ABCF2: variants seen among roughly 807,000 people sequenced by gnomAD.
ABCF2 encodes ATP-binding cassette sub-family F member 2.
ABCF2 carries 37 observed loss-of-function variants against 76.9 expected under a neutral mutation model. The ratio of observed to expected loss-of-function variants is 0.48; its 90% CI spans 0.37 to 0.63. The LOEUF is 0.63. Ranked by LOEUF, ABCF2 falls within the 30% of genes least tolerant of loss-of-function variation. ABCF2 has a pLI of 0.00. For missense variants in ABCF2, 524 were observed against 782.1 expected (o/e 0.67, Z 3.94); for synonymous variants, 299 against 283.7 (o/e 1.05, Z -0.54).
Position 151,214,082 on chromosome 7 carries a change from T to C in ABCF2, c.1844A>G (p.Gln615Arg). 1 of 1,614,100 alleles carries C rather than the reference T, an allele frequency of 6.2e-7. No individual in the cohort carries two copies. ...LKSKLVDEEP[Q>R]LTKRTHNV Reference sequence around the variant, plus strand: ...CACGTTGTGGGTCCTCTTGGTGAGCTGGGGCTCCTCATCCACCAGCTTGGA... The same window carrying C: ...CACGTTGTGGGTCCTCTTGGTGAGCCGGGGCTCCTCATCCACCAGCTTGGA... The change falls in exon 15 of 15, where the codon CAG becomes CGG. Residue 615 changes from glutamine (Q) to arginine (R), a missense_variant. Transcript: ENST00000287844. The surrounding 1 kb of genome is among the most constrained non-coding windows in gnomAD (Gnocchi z 4.9).
chr7:151,223,072 T>C (rs991076086), intron 5 of ABCF2, among the ~76,000 whole-genome samples: 1 of 152,204 alleles, frequency 6.6e-6, no homozygotes, highest in Admixed American at 6.5e-5. Context: ...AAAAGCTCCT[T>C]GGGTGAACCG....
intron 10 of ABCF2, 101 bp from the exon 11 acceptor site, chr7:151,218,292 GA>G (rs1802193148): frequency 1.1e-6 from 1 of 886,170 alleles, no homozygotes; most frequent in Non-Finnish European, 1.8e-6. Context: ...AAGAGAGGAG[GA>G]AGGGAGAGTA....
At chr7:151,220,369 C>T (rs145979192) in intron 7 of ABCF2, among the ~76,000 whole-genome samples, 38 of 118,160 alleles carry the variant, frequency 3.2e-4, no homozygotes, top group African/African-American at 1.2e-3. Context: ...AGCCTGGCGA[C>T]GGAGCAAGAC....
chr7:151,217,279 A>C lies in ABCF2; in HGVS notation c.1338+802T>G, dbSNP rs1802170385. Among the ~76,000 whole-genome samples, 4 of 152,300 alleles carry C rather than the reference A, an allele frequency of 2.6e-5. No individual in the cohort carries two copies. The South Asian group carries it at 8.3e-4, about 32-fold the overall frequency. On this transcript the variant is annotated intron_variant, in intron 11 of 14. Coordinates refer to ENST00000287844, the MANE Select transcript of ABCF2 (RefSeq NM_007189.3). ...GCACTCATTCAGACTGGAACCACTG[A>C]GACGTTCCAAGTAACCTGACAGGTG... is the stretch of plus-strand genomic sequence containing the variant.
Position 151,212,472 on chromosome 7 carries a change from A to C in ABCF2, c.*1582T>G. 1.0e-6 allele frequency: 1 copy of C among 985,448 alleles called. No individual in the cohort carries two copies. The highest frequency in any genetic ancestry group is 1.2e-6 in the Non-Finnish European group (1 of 829,942). 61.0% of individuals were successfully genotyped at this position (985,448 alleles called of 1,614,324 possible). A position where few individuals can be genotyped will look rare whatever the true frequency, so the allele number is the denominator to read the frequency against. On this transcript the variant is annotated 3_prime_UTR_variant, in exon 15 of 15. Coordinates refer to ENST00000287844, the MANE Select transcript of ABCF2 (RefSeq NM_007189.3). ...CTCTCTCATTCTACCAAATGCGATT[A>C]ATCAATAGGTCTGATGCTCAGCAAT...
At chr7:151,217,509 T>C (rs1218397726) in intron 11 of ABCF2, among the ~76,000 whole-genome samples, 1 of 152,080 alleles carries the variant, frequency 6.6e-6, no homozygotes, top group African/African-American at 2.4e-5. Flanking sequence ...TGATTGAAAA[T>C]AGAAACATGG....
Position 151,226,438 on chromosome 7 carries a change from C to T in ABCF2, c.21G>A (p.Lys7=). 1.2e-6 allele frequency: 2 copies of T among 1,614,136 alleles called. No homozygotes were observed. The highest frequency in any genetic ancestry group is 1.7e-6 in the Non-Finnish European group (2 of 1,180,014). ...CCTCCTTCTTTTTGGCTGCCTTCTT[C>T]TTGGCCAGGTCGGAGGGCATGATGA... is the stretch of plus-strand genomic sequence containing the variant. MPSDLA[K]KKAAKKKEAA... The change falls in exon 2 of 15, where the codon AAG becomes AAA. Residue 7 remains lysine (K), a synonymous_variant. Coordinates refer to ENST00000287844, the MANE Select transcript of ABCF2 (RefSeq NM_007189.3).
Position 151,212,333 on chromosome 7 carries a change from G to GT in ABCF2, c.*1720dup, listed in dbSNP as rs1802062769. 4 of 985,326 alleles carry GT rather than the reference G, an allele frequency of 4.1e-6. No individual in the cohort carries two copies. Among genetic ancestry groups the GT allele is most frequent in the Non-Finnish European group, 4.8e-6 (4 of 829,938 alleles). The allele number at this position is 985,326 out of a possible 1,614,324, so 61.0% of individuals were successfully genotyped here. ...CCCTGGGCTGGAAGTGAATTCAACA[G>GT]TGATGATAACTATGGCTGTGGACAG... On this transcript the variant is annotated 3_prime_UTR_variant, in exon 15 of 15. Coordinates refer to ENST00000287844, the MANE Select transcript of ABCF2 (RefSeq NM_007189.3).
In ABCF2 at chr7:151,223,881, G is replaced by C. The variant is rs1015158640; in HGVS notation, c.551-32C>G. 3.7e-6 allele frequency: 6 copies of C among 1,605,502 alleles called. No individual in the cohort carries two copies. The African/African-American group carries it at 4.0e-5, about 11-fold the overall frequency. On this transcript the variant is annotated intron_variant, in intron 4 of 14. Coordinates refer to ENST00000287844, the MANE Select transcript of ABCF2 (RefSeq NM_007189.3). Reference sequence around the variant, plus strand: ...ACAGTGTATGGCCATGAGGCTCCTGGGGGCCTTTCTGGGAGGACGCCCACC... The same window carrying C: ...ACAGTGTATGGCCATGAGGCTCCTGCGGGCCTTTCTGGGAGGACGCCCACC...
Position 151,212,101 on chromosome 7 carries a change from A to T in ABCF2, c.*1953T>A, listed in dbSNP as rs779998348. ...GTTCTGTCTTACTGGCTTTCCAAGA[A>T]GATCATGAGCTCCTAAGGGGTTTAA... On this transcript the variant is annotated 3_prime_UTR_variant, in exon 15 of 15. Coordinates refer to ENST00000287844, the MANE Select transcript of ABCF2 (RefSeq NM_007189.3). 9.2e-5 allele frequency: 90 copies of T among 980,342 alleles called. No homozygotes were observed. Among genetic ancestry groups the T allele is most frequent in the Non-Finnish European group, 9.8e-5 (81 of 825,340 alleles). 60.7% of individuals were successfully genotyped at this position (980,342 alleles called of 1,614,324 possible).
chr7:151,215,852 G>A lies in ABCF2; in HGVS notation c.1401+115C>T, dbSNP rs1802140073. 1 of 1,586,914 alleles carries A rather than the reference G, an allele frequency of 6.3e-7. No homozygotes were observed. Among genetic ancestry groups the A allele is most frequent in the Non-Finnish European group, 8.6e-7 (1 of 1,162,142 alleles). Reference sequence around the variant, plus strand: ...TTCTGGGTTCAAGAAGCAGGTAGGAGCCACCTAGGCTGGAATTCCTGCCAG... The same window carrying A: ...TTCTGGGTTCAAGAAGCAGGTAGGAACCACCTAGGCTGGAATTCCTGCCAG... On this transcript the variant is annotated intron_variant, in intron 12 of 14. Coordinates refer to ENST00000287844, the MANE Select transcript of ABCF2 (RefSeq NM_007189.3). This position sits in a 1 kb window ranked among gnomAD's most constrained non-coding sequence, Gnocchi z 4.6.
rs1457471971 is a variant in ABCF2 at position 151,215,958 on chromosome 7, G to A, written c.1401+9C>T. 6.2e-6 allele frequency: 10 copies of A among 1,613,882 alleles called. No homozygotes were observed. The highest frequency in any genetic ancestry group is 8.5e-6 in the Non-Finnish European group (10 of 1,179,900). Reference sequence around the variant, plus strand: ...GGCAATTCCCCGGATCCCAACCCCAGGCCTGTACCTGATGGTAACGCCCTA... The same window carrying A: ...GGCAATTCCCCGGATCCCAACCCCAAGCCTGTACCTGATGGTAACGCCCTA... On this transcript the variant is annotated intron_variant, in intron 12 of 14. Coordinates refer to ENST00000287844, the MANE Select transcript of ABCF2 (RefSeq NM_007189.3). The surrounding 1 kb of genome is among the most constrained non-coding windows in gnomAD (Gnocchi z 4.6).
At position 151,215,766 on chromosome 7, in the gene ABCF2, T is replaced by C; in HGVS notation, c.1402-34A>G. 1 of 1,613,966 alleles carries C rather than the reference T, an allele frequency of 6.2e-7. No individual in the cohort carries two copies. The highest frequency in any genetic ancestry group is 8.5e-7 in the Non-Finnish European group (1 of 1,179,878). Reference sequence around the variant, plus strand: ...AAAATGGAAGCCACCCGGGTGTGACTGGCATCCCGCTTCAAAATAAACCCT... The same window carrying C: ...AAAATGGAAGCCACCCGGGTGTGACCGGCATCCCGCTTCAAAATAAACCCT... On this transcript the variant is annotated intron_variant, in intron 12 of 14. Transcript: ENST00000287844. This position sits in a 1 kb window ranked among gnomAD's most constrained non-coding sequence, Gnocchi z 4.6.
intron 10 of ABCF2, 26 bp downstream of exon 10, chr7:151,218,535 C>T (rs1031762016): frequency 1.3e-6 from 2 of 1,597,522 alleles, no homozygotes; most frequent in Non-Finnish European, 8.6e-7. Flanking sequence ...TACACCCCAG[C>T]CACCCATGCC....
chr7:151,218,179 T>C lies in ABCF2; in HGVS notation c.1240A>G (p.Asn414Asp). 1.2e-6 allele frequency: 2 copies of C among 1,612,710 alleles called. No homozygotes were observed. Among genetic ancestry groups the C allele is most frequent in the Non-Finnish European group, 1.7e-6 (2 of 1,178,720 alleles). ...AGGTCAATTCCAAATTCTAGATTAT[T>C]GTAGATGCAAGGCTGAGGTGGGGAT... ...KYTKDGPCIY[N>D]NLEFGIDLDT... Residue 414 changes from asparagine (N) to aspartate (D), a missense_variant, in exon 11 of 15, where the codon AAT becomes GAT. Physicochemically the swap from Asn to Asp is conservative, Grantham distance 23 (BLOSUM62 1). Transcript: ENST00000287844.
intron 7 of ABCF2, among the ~76,000 whole-genome samples, chr7:151,221,369 T>A (rs989833494): frequency 1.4e-4 from 22 of 152,084 alleles, no homozygotes; most frequent in African/African-American, 5.3e-4. Context: ...CTGGCTAATT[T>A]TTTTGTATTT....
Position 151,222,607 on chromosome 7 carries a change from A to G in ABCF2, c.732T>C (p.Phe244=), listed in dbSNP as rs1802293596. The G allele has an allele frequency of 1.1e-5, 17 of 1,613,596 alleles. No homozygotes were observed. The highest frequency in any genetic ancestry group is 1.4e-5 in the Non-Finnish European group (16 of 1,179,666). ...RMRVALARAL[F]IRPFMLLLDE... ...CCAGGAGCAGCATGAAGGGCCGAAT[A>G]AAGAGGGCTCTGAAGGACGGTAAAG... Residue 244 remains phenylalanine (F), a synonymous_variant, in exon 6 of 15, where the codon TTT becomes TTC. Coordinates refer to ENST00000287844, the MANE Select transcript of ABCF2 (RefSeq NM_007189.3).
chr7:151,213,918 G>A lies in ABCF2; in HGVS notation c.*136C>T, dbSNP rs1802099013. On this transcript the variant is annotated 3_prime_UTR_variant, in exon 15 of 15. Coordinates refer to ENST00000287844, the MANE Select transcript of ABCF2 (RefSeq NM_007189.3). ...GAGAGTGCAGCTAAGGCAGGTTGAG[G>A]GGCAGGGGAGAGGCTGGGGGAGCAG... 36 of 1,482,194 alleles carry A rather than the reference G, an allele frequency of 2.4e-5. No individual in the cohort carries two copies. In the South Asian group the frequency reaches 4.8e-4, roughly 20 times the overall value. The allele number at this position is 1,482,194 out of a possible 1,614,324, so 91.8% of individuals were successfully genotyped here.
chr7:151,222,881 G>A (rs546297582), intron 5 of ABCF2, among the ~76,000 whole-genome samples: 1 of 152,302 alleles, frequency 6.6e-6, no homozygotes, highest in South Asian at 2.1e-4. Flanking sequence ...ATGAGTTTAT[G>A]AGCCTTGTGC....
Sources: gnomAD v4.1 joint callset for allele counts (sites outside exome capture counted in the v4.1 genomes callset) on GRCh38, gnomAD v4.1.1 for gene constraint, Gnocchi (gnomAD v3.1) non-coding constraint, MANE v1.5 for transcripts, NCBI Gene and HGNC (gene_info 2026-07-23, HGNC 2026-07-21) for gene names.